SGCZ: variants seen among roughly 807,000 people sequenced by gnomAD.
SGCZ encodes the protein sarcoglycan zeta.
In SGCZ, 40 loss-of-function variants were observed where a neutral mutation model predicts 41.3. That is an observed-to-expected ratio of 0.97 (90% confidence interval 0.75 to 1.26). The LOEUF (loss-of-function observed/expected upper bound fraction) is 1.26, where lower values mean the gene tolerates loss of function less well. SGCZ is among the 50% of genes most tolerant of loss of function. The pLI, the probability that SGCZ is intolerant of heterozygous loss-of-function variation, is 0.00. For synonymous variants in SGCZ, 206 were observed against 137.5 expected (o/e 1.50, Z -3.49); for missense variants, 552 against 369.8 (o/e 1.49, Z -4.04).
At chr8:14,442,805 G>A (rs975456219) in intron 2 of SGCZ, among the ~76,000 whole-genome samples, 2 of 152,064 alleles carry the variant, frequency 1.3e-5, no homozygotes, top group African/African-American at 4.8e-5. Context: ...TTGTTTTATT[G>A]TTGTTAATTA....
intron 1 of SGCZ, among the ~76,000 whole-genome samples, chr8:14,742,463 C>A (rs930375444): frequency 1.1e-4 from 17 of 152,114 alleles, no homozygotes; most frequent in African/African-American, 3.6e-4. Context: ...AGCACCTATG[C>A]CACCCATTTA....
chr8:14,617,098 T>C (rs888263775), intron 1 of SGCZ, among the ~76,000 whole-genome samples: 5 of 152,156 alleles, frequency 3.3e-5, no homozygotes, highest in Non-Finnish European at 5.9e-5. Flanking sequence ...ATAATTGTTA[T>C]TACTACTAAA....
intron 1 of SGCZ, among the ~76,000 whole-genome samples, chr8:14,645,478 T>TTATATATATATATATTTA (rs1046258520): frequency 2.8e-5 from 3 of 106,592 alleles, no homozygotes; most frequent in African/African-American, 8.8e-5. Context: ...ATATATATAT[T>TTATATATATATATATTTA]TATATGTATA....
At chr8:14,191,035 C>T (rs1334032303) in intron 4 of SGCZ, among the ~76,000 whole-genome samples, 3 of 152,176 alleles carry the variant, frequency 2.0e-5, no homozygotes, top group African/African-American at 7.2e-5. Context: ...TGATATTAGC[C>T]ATCCTGACAG....
Position 14,713,709 on chromosome 8 carries a change from C to T in SGCZ, c.40-158783G>A, listed in dbSNP as rs1472855975. 2.8e-5 allele frequency among the ~76,000 whole-genome samples: 4 copies of T among 144,896 alleles called. No homozygotes were observed. In the East Asian group the frequency reaches 6.2e-4, roughly 22 times the overall value. ...CTGCCGCAAAAGAAAAAAAAAAAAGCTAAAGAAGGATAATACAGGTTATTT... is the reference window on the plus strand; with the variant it reads ...CTGCCGCAAAAGAAAAAAAAAAAAGTTAAAGAAGGATAATACAGGTTATTT... On this transcript the variant is annotated intron_variant, in intron 1 of 7. Transcript: ENST00000382080.
chr8:15,106,677 C>T (rs6530837), intron 1 of SGCZ, among the ~76,000 whole-genome samples: 151,140 of 152,206 alleles, frequency 0.99, 75,053 homozygotes, highest in East Asian at 1. Context: ...TAGTGGATCA[C>T]ATATAAATAA....
intron 1 of SGCZ, among the ~76,000 whole-genome samples, chr8:14,567,225 G>A (rs78665185): frequency 1.9e-3 from 294 of 152,314 alleles, no homozygotes; most frequent in African/African-American, 6.6e-3. Flanking sequence ...GAGTGCAGGC[G>A]CACGGCTTGG....
intron 2 of SGCZ, among the ~76,000 whole-genome samples, chr8:14,530,462 G>C (rs1349146739): frequency 1.3e-5 from 2 of 151,996 alleles, no homozygotes; most frequent in East Asian, 3.9e-4. Context: ...AGTATTTTCT[G>C]AGTATTTCTG....
At chr8:14,498,816 T>G (rs920954256) in intron 2 of SGCZ, among the ~76,000 whole-genome samples, 2 of 152,062 alleles carry the variant, frequency 1.3e-5, no homozygotes, top group South Asian at 4.1e-4. Context: ...TGTTTAATTT[T>G]TGTGCAATAT....
chr8:14,480,023 G>A (rs768928331), intron 2 of SGCZ, among the ~76,000 whole-genome samples: 1 of 152,176 alleles, frequency 6.6e-6, no homozygotes, highest in Admixed American at 6.5e-5. Context: ...GGGATTACGG[G>A]CGTGAGCCAC....
At chr8:14,462,346 T>G (rs1428758245) in intron 2 of SGCZ, among the ~76,000 whole-genome samples, 1 of 152,072 alleles carries the variant, frequency 6.6e-6, no homozygotes, top group Non-Finnish European at 1.5e-5. Flanking sequence ...TTCCTTTTTA[T>G]TATTTTAGTA....
chr8:14,937,471 G>A (rs1043409068), intron 1 of SGCZ, among the ~76,000 whole-genome samples: 9 of 151,884 alleles, frequency 5.9e-5, no homozygotes, highest in African/African-American at 1.4e-4. Context: ...GCCTTCATAA[G>A]AAACAAAAAT....
rs1802193448 is a variant in SGCZ at position 15,237,905 on chromosome 8, G to C, written c.-282C>G. 111 of 254,032 alleles carry C rather than the reference G, an allele frequency of 4.4e-4. No homozygotes were observed. The highest frequency in any genetic ancestry group is 1.2e-3 in the East Asian group (18 of 15,354). 15.7% of individuals were successfully genotyped at this position (254,032 alleles called of 1,614,324 possible). ...GAGTCGATTGAAACAGGGGCCAAAA[G>C]AAAAAAGGAAAAAAAAATCCACTCT... is the stretch of plus-strand genomic sequence containing the variant. On this transcript the variant is annotated 5_prime_UTR_variant, in exon 1 of 8. Coordinates refer to ENST00000382080, the MANE Select transcript of SGCZ (RefSeq NM_139167.4).
At chr8:14,151,604 A>T (rs1325901435) in intron 5 of SGCZ, among the ~76,000 whole-genome samples, 1 of 152,130 alleles carries the variant, frequency 6.6e-6, no homozygotes, top group African/African-American at 2.4e-5. Flanking sequence ...TAAGAATAGA[A>T]ACACATATTC....
intron 5 of SGCZ, among the ~76,000 whole-genome samples, chr8:14,156,448 G>C (rs1377535285): frequency 1.3e-5 from 2 of 152,036 alleles, no homozygotes; most frequent in Admixed American, 1.3e-4. Flanking sequence ...GTGACGGAGT[G>C]AGACTCCATC....
intron 1 of SGCZ, among the ~76,000 whole-genome samples, chr8:14,760,303 T>C (rs1799820875): frequency 6.6e-6 from 1 of 152,216 alleles, no homozygotes; most frequent in Admixed American, 6.5e-5. Context: ...AACACCGTTT[T>C]ATAAATAATT....
intron 1 of SGCZ, among the ~76,000 whole-genome samples, chr8:14,973,014 T>C (rs1467153784): frequency 6.6e-6 from 1 of 152,214 alleles, no homozygotes; most frequent in African/African-American, 2.4e-5. Context: ...ATGTTTATTT[T>C]ATCACAAACA....
intron 3 of SGCZ, among the ~76,000 whole-genome samples, chr8:14,288,568 A>T (rs555654364): frequency 2.0e-5 from 3 of 152,156 alleles, no homozygotes; most frequent in Non-Finnish European, 4.4e-5. Context: ...ACTTAGCATG[A>T]TGTTTTCAAG....
intron 2 of SGCZ, among the ~76,000 whole-genome samples, chr8:14,515,648 A>C (rs1431151261): frequency 1.3e-5 from 2 of 152,040 alleles, no homozygotes; most frequent in Admixed American, 6.6e-5. Flanking sequence ...TCTATCTGTA[A>C]GTTTATGTGA....
Sources: allele counts gnomAD v4.1 joint callset (sites outside exome capture counted in the v4.1 genomes callset), GRCh38; gene constraint gnomAD v4.1.1; transcripts MANE v1.5; gene names NCBI Gene and HGNC (gene_info 2026-07-23, HGNC 2026-07-21).